DCC: variants seen among roughly 807,000 people sequenced by gnomAD.
DCC encodes the protein netrin receptor DCC.
In DCC, 58 loss-of-function variants were observed where a neutral mutation model predicts 172.5. The observed-to-expected ratio is 0.34, with a 90% CI of 0.27 to 0.42. DCC has a LOEUF of 0.42. DCC is among the 10% of genes least tolerant of loss of function. The probability of loss-of-function intolerance (pLI) is 1.00; values close to 1 mark genes in which losing one functional copy is unlikely to be tolerated. For synonymous variants in DCC, 709 were observed against 644.5 expected (o/e 1.10, Z -1.52); for missense variants, 1,740 against 1,791.0 (o/e 0.97, Z 0.51).
intron 1 of DCC, among the ~76,000 whole-genome samples, chr18:52,636,167 A>AGAG (rs1420327196): frequency 6.6e-6 from 1 of 152,226 alleles, no homozygotes; most frequent in Non-Finnish European, 1.5e-5. Context: ...ATACAGAGGT[A>AGAG]GAGGAAGCAG....
At chr18:53,014,464 G>A (rs1267876659) in intron 5 of DCC, among the ~76,000 whole-genome samples, 64 of 115,394 alleles carry the variant, frequency 5.5e-4, no homozygotes, top group Non-Finnish European at 9.8e-4. Context: ...AACAGGCCCC[G>A]GTGTGTGATG....
intron 12 of DCC, among the ~76,000 whole-genome samples, chr18:53,300,970 TTTC>T (rs2144771184): frequency 1.5e-5 from 2 of 134,388 alleles, no homozygotes; most frequent in South Asian, 5.0e-4. Flanking sequence ...TCATTCTTTC[TTTC>T]TTTCTTTCTT....
chr18:53,069,809 C>A (rs969494098), intron 7 of DCC, among the ~76,000 whole-genome samples: 5 of 149,626 alleles, frequency 3.3e-5, no homozygotes, highest in African/African-American at 1.2e-4. Flanking sequence ...AGTCCTACTG[C>A]CCCCTTCCCT....
intron 2 of DCC, among the ~76,000 whole-genome samples, chr18:52,860,299 G>A (rs62098988): frequency 0.014 from 2,162 of 152,278 alleles, 24 homozygotes; most frequent in Middle Eastern, 0.02. Flanking sequence ...AAGTTGCTCC[G>A]GTGATTTCTC....
At chr18:53,167,068 C>G (rs1019157222) in intron 8 of DCC, among the ~76,000 whole-genome samples, 1 of 152,106 alleles carries the variant, frequency 6.6e-6, no homozygotes, top group African/African-American at 2.4e-5. Flanking sequence ...CTAAGAATAA[C>G]GTAACTCCTT....
At chr18:52,592,101 CTGTTTT>C (rs1220483535) in intron 1 of DCC, among the ~76,000 whole-genome samples, 1 of 152,048 alleles carries the variant, frequency 6.6e-6, no homozygotes, top group East Asian at 1.9e-4. Flanking sequence ...TTTTATTTTT[CTGTTTT>C]TACTTTTGCC....
At chr18:53,042,429 A>T (rs2042181326) in intron 5 of DCC, among the ~76,000 whole-genome samples, 1 of 151,776 alleles carries the variant, frequency 6.6e-6, no homozygotes, top group African/African-American at 2.4e-5. Context: ...GAGGATTTTC[A>T]CATCGATGTT....
At chr18:52,581,155 C>T (rs1157315506) in intron 1 of DCC, among the ~76,000 whole-genome samples, 2 of 20,312 alleles carry the variant, frequency 9.8e-5, no homozygotes, top group South Asian at 1.2e-3. Context: ...TATAGTTATA[C>T]ACACACAAAC....
intron 5 of DCC, among the ~76,000 whole-genome samples, chr18:52,957,701 G>C (rs1034227739): frequency 7.2e-5 from 11 of 151,968 alleles, no homozygotes. Flanking sequence ...TAGTGTCCAG[G>C]GCAAGATCTG....
At chr18:52,526,972 C>T (rs2032002260) in intron 1 of DCC, among the ~76,000 whole-genome samples, 1 of 152,152 alleles carries the variant, frequency 6.6e-6, no homozygotes, top group Non-Finnish European at 1.5e-5. Context: ...GTTTAAATAT[C>T]CAAAGTCACA....
chr18:52,734,932 T>A (rs1029684877), intron 1 of DCC, among the ~76,000 whole-genome samples: 1 of 152,138 alleles, frequency 6.6e-6, no homozygotes, highest in Admixed American at 6.6e-5. Flanking sequence ...CTGGGTGACA[T>A]AAATGTTTGA....
At chr18:52,713,658 G>T (rs1278224607) in intron 1 of DCC, among the ~76,000 whole-genome samples, 1 of 152,170 alleles carries the variant, frequency 6.6e-6, no homozygotes, top group Admixed American at 6.5e-5. Flanking sequence ...TCAGCCCAGA[G>T]TTAAGGAGAG....
chr18:53,416,221 C>G, intron 21 of DCC, 65 bp downstream of exon 21: 1 of 1,143,068 alleles, frequency 8.7e-7, no homozygotes, highest in Non-Finnish European at 1.3e-6. Flanking sequence ...ACATGTCAGT[C>G]ATTACTTTAT....
At chr18:53,160,019 G>A (rs1051726165) in intron 8 of DCC, among the ~76,000 whole-genome samples, 2 of 152,124 alleles carry the variant, frequency 1.3e-5, no homozygotes, top group Non-Finnish European at 2.9e-5. Flanking sequence ...GAAGGAGGAT[G>A]AGGAAGAGAA....
At chr18:52,745,180 G>A (rs546946649) in intron 1 of DCC, among the ~76,000 whole-genome samples, 4 of 152,208 alleles carry the variant, frequency 2.6e-5, no homozygotes, top group Admixed American at 6.5e-5. Context: ...TTAATAAAAC[G>A]TGTTGAAATA....
intron 1 of DCC, among the ~76,000 whole-genome samples, chr18:52,710,733 G>A (rs928920752): frequency 3.3e-5 from 5 of 152,228 alleles, no homozygotes; most frequent in South Asian, 4.1e-4. Flanking sequence ...AAATCCCAAA[G>A]GGAATTTTTG....
At chr18:53,196,294 A>T (rs2055442022) in intron 9 of DCC, among the ~76,000 whole-genome samples, 2 of 152,214 alleles carry the variant, frequency 1.3e-5, no homozygotes, top group Admixed American at 6.5e-5. Context: ...GACTTCCACC[A>T]TGCAGTCCAG....
chr18:52,700,199 CATACACACAT>C (rs2036087909), intron 1 of DCC, among the ~76,000 whole-genome samples: 5 of 121,878 alleles, frequency 4.1e-5, no homozygotes, highest in Non-Finnish European at 7.5e-5. Context: ...CACACACGCA[CATACACACAT>C]GCACATGTGC....
chr18:53,142,654 A>G (rs541412444), intron 7 of DCC, among the ~76,000 whole-genome samples: 18 of 152,348 alleles, frequency 1.2e-4, no homozygotes, highest in African/African-American at 4.3e-4. Flanking sequence ...TTGTAAAAAT[A>G]TAGCAGAGCT....
Sources: gnomAD v4.1 joint callset for allele counts (sites outside exome capture counted in the v4.1 genomes callset) on GRCh38, gnomAD v4.1.1 for gene constraint, MANE v1.5 for transcripts, NCBI Gene and HGNC (gene_info 2026-07-23, HGNC 2026-07-21) for gene names.